Variants in ZNF292 observed in about 807,000 individuals in gnomAD.
ZNF292 encodes the protein zinc finger protein 292, also known as 16 zinc-finger domain protein.
In ZNF292, 26 loss-of-function variants were observed where a neutral mutation model predicts 217.9. The ratio of observed to expected loss-of-function variants is 0.12; its 90% CI spans 0.09 to 0.17. The LOEUF (loss-of-function observed/expected upper bound fraction) is 0.17, where lower values mean the gene tolerates loss of function less well. ZNF292 is among the 10% of genes least tolerant of loss of function. The pLI is 1.00. For missense variants in ZNF292, 2,904 were observed against 3,175.2 expected (o/e 0.91, Z 2.05); for synonymous variants, 1,257 against 1,124.1 (o/e 1.12, Z -2.37).
At chr6:87,254,622 T>C (rs772986000) in intron 7 of ZNF292, 28 bp from the exon 8 acceptor site, 1 of 1,548,964 alleles carries the variant, frequency 6.5e-7, no homozygotes, top group Non-Finnish European at 8.7e-7. Context: ...GTAGATTAAA[T>C]TAACATTTCC....
rs1775570339 is a variant in ZNF292, at chr6:87,261,154, A to G, written c.7525A>G (p.Asn2509Asp). ...SVETQANTSS[N>D]VSNDFQEDNL... ...AGAGACCCAAGCTAATACTTCTTCA[A>G]ATGTAAGTAATGATTTTCAGGAAGA... Residue 2509 changes from asparagine (N) to aspartate (D), a missense_variant, in exon 8 of 8, where the codon AAT (asparagine) becomes GAT (aspartate). By Grantham distance (23) the Asn-to-Asp change is conservative. This residue lies in a region of ZNF292 where 380 missense variants were observed against 355.3 expected (regional missense o/e 1.07). Transcript: ENST00000369577. 1 of 1,613,150 alleles carries G rather than the reference A, an allele frequency of 6.2e-7. No homozygotes were observed. Among genetic ancestry groups the G allele is most frequent in the Non-Finnish European group, 8.5e-7 (1 of 1,179,576 alleles).
intron 7 of ZNF292, among the ~76,000 whole-genome samples, chr6:87,246,693 C>T (rs1774605017): frequency 6.6e-6 from 1 of 151,238 alleles, no homozygotes; most frequent in South Asian, 2.1e-4. Context: ...GATGAAACCC[C>T]ATCTCTACTA....
intron 4 of ZNF292, chr6:87,223,021 G>GTA (rs1562152049): frequency 4.1e-6 from 1 of 244,498 alleles, no homozygotes; most frequent in African/African-American, 2.2e-5. Flanking sequence ...TATATAAAGG[G>GTA]TATCTGTTGT....
At chr6:87,167,705 T>G (rs2127771729) in intron 1 of ZNF292, among the ~76,000 whole-genome samples, 1 of 152,350 alleles carries the variant, frequency 6.6e-6, no homozygotes, top group East Asian at 1.9e-4. Flanking sequence ...GTACATTTAG[T>G]TTTCCTGTAA....
At chr6:87,194,932 GA>G (rs10607857) in intron 1 of ZNF292, among the ~76,000 whole-genome samples, 75,972 of 149,442 alleles carry the variant, frequency 0.51, 19,951 homozygotes, top group African/African-American at 0.65. Flanking sequence ...AAGCTCATTT[GA>G]AAAAAAAAAA....
chr6:87,246,990 C>T (rs1408593195), intron 7 of ZNF292, among the ~76,000 whole-genome samples: 1 of 152,022 alleles, frequency 6.6e-6, no homozygotes, highest in Non-Finnish European at 1.5e-5. Flanking sequence ...CCATGCTCTA[C>T]TAAAAATAAA....
At chr6:87,208,207 T>C (rs1048697100) in intron 1 of ZNF292, among the ~76,000 whole-genome samples, 1 of 152,166 alleles carries the variant, frequency 6.6e-6, no homozygotes, top group Non-Finnish European at 1.5e-5. Flanking sequence ...TTTTGAGCTC[T>C]AAAATTTTAT....
chr6:87,249,168 C>G (rs9444487), intron 7 of ZNF292: 16,638 of 153,964 alleles, frequency 0.11, 969 homozygotes, highest in Middle Eastern at 0.16. Flanking sequence ...CCTCTGTCAT[C>G]CAGACTGGAG....
At chr6:87,200,404 GAATT>G (rs1772069849) in intron 1 of ZNF292, among the ~76,000 whole-genome samples, 1 of 152,092 alleles carries the variant, frequency 6.6e-6, no homozygotes, top group African/African-American at 2.4e-5. Context: ...AGCATTATGA[GAATT>G]AATTCAGTGG....
At chr6:87,178,963 C>CT (rs1353632686) in intron 1 of ZNF292, among the ~76,000 whole-genome samples, 1 of 151,934 alleles carries the variant, frequency 6.6e-6, no homozygotes, top group Non-Finnish European at 1.5e-5. Context: ...GTTCTTTATT[C>CT]TATATTAGTG....
At position 87,166,474 on chromosome 6, in the gene ZNF292, G is replaced by A. The variant is rs181464075; in HGVS notation, c.168+10715G>A. Among the ~76,000 whole-genome samples the A allele has an allele frequency of 6.1e-3, 923 of 152,276 alleles. 2 individuals are homozygous for A. Among genetic ancestry groups the A allele is most frequent in the Non-Finnish European group, 9.4e-3 (637 of 68,026 alleles). ...CCCATAGAGGGTAGTAAGAGACACTGGTGAAGGCTCCCAGCACAGTGTCTG... is the reference window on the plus strand; with the variant it reads ...CCCATAGAGGGTAGTAAGAGACACTAGTGAAGGCTCCCAGCACAGTGTCTG... On this transcript the variant is annotated intron_variant, in intron 1 of 7. Transcript: ENST00000369577.
chr6:87,216,411 A>G (rs200473211), intron 3 of ZNF292, 34 bp downstream of exon 3: 518 of 1,453,734 alleles, frequency 3.6e-4, no homozygotes, highest in Non-Finnish European at 4.6e-4. Context: ...TAATACAGGT[A>G]TATCTTATGT....
rs1463512217 is a variant in ZNF292, at chr6:87,263,612, C to G, written c.*1811C>G. The stretch of plus-strand genomic sequence containing the variant: ...GACTTACTACCAATAAGCATAAAAC[C>G]TGACACGTTAAAATCCCTGCCCTTT... On this transcript the variant is annotated 3_prime_UTR_variant, in exon 8 of 8. Transcript: ENST00000369577. 2.0e-5 allele frequency: 3 copies of G among 151,782 alleles called. No homozygotes were observed. The highest frequency in any genetic ancestry group is 4.4e-5 in the Non-Finnish European group (3 of 67,910). 9.4% of individuals were successfully genotyped at this position (151,782 alleles called of 1,614,324 possible). A position where few individuals can be genotyped will look rare whatever the true frequency, so the allele number is the denominator to read the frequency against.
chr6:87,156,406 C>T (rs140108800), intron 1 of ZNF292, among the ~76,000 whole-genome samples: 60 of 152,360 alleles, frequency 3.9e-4, no homozygotes, highest in African/African-American at 1.4e-3. Flanking sequence ...CCCATACTTG[C>T]TTGCTTGGTG....
At chr6:87,205,333 C>G (rs1772217171) in intron 1 of ZNF292, among the ~76,000 whole-genome samples, 2 of 152,136 alleles carry the variant, frequency 1.3e-5, no homozygotes, top group African/African-American at 2.4e-5. Context: ...CTTGGCTTCC[C>G]CAAGTGCTGG....
chr6:87,184,622 A>C (rs1771582373), intron 1 of ZNF292, among the ~76,000 whole-genome samples: 1 of 152,186 alleles, frequency 6.6e-6, no homozygotes, highest in South Asian at 2.1e-4. Context: ...GTATATAGAT[A>C]TATGAGAAGA....
intron 4 of ZNF292, among the ~76,000 whole-genome samples, chr6:87,230,962 T>C (rs1254206738): frequency 1.3e-5 from 2 of 152,162 alleles, no homozygotes; most frequent in East Asian, 3.9e-4. Flanking sequence ...TTTTATACTT[T>C]GTGGGATGCT....
rs773721986 is a variant in ZNF292 at position 87,255,297 on chromosome 6, A to T, written c.1668A>T (p.Ile556=). 6.2e-7 allele frequency: 1 copy of T among 1,613,936 alleles called. No individual in the cohort carries two copies. The highest frequency in any genetic ancestry group is 8.5e-7 in the Non-Finnish European group (1 of 1,179,858). The change falls in exon 8 of 8, where the codon ATA becomes ATT. Residue 556 remains isoleucine, a synonymous_variant. Transcript: ENST00000369577. ...LCDKEFLGHR[I]VRHAQKHYKD... ...ACAAAGAATTCCTTGGTCACAGAAT[A>T]GTACGACATGCTCAGAAACATTACA...
chr6:87,245,290 C>A (rs1211962845), intron 6 of ZNF292, among the ~76,000 whole-genome samples: 1 of 151,944 alleles, frequency 6.6e-6, no homozygotes, highest in Non-Finnish European at 1.5e-5. Flanking sequence ...TTCTCTGGGA[C>A]TGAAAAATAT....
Sources: allele counts gnomAD v4.1 joint callset (sites outside exome capture counted in the v4.1 genomes callset), GRCh38; gene constraint gnomAD v4.1.1; regional missense constraint gnomAD v4.1.1; transcripts MANE v1.5; gene names NCBI Gene and HGNC (gene_info 2026-07-23, HGNC 2026-07-21).